POFUT1: variants seen among roughly 807,000 people sequenced by gnomAD.
POFUT1 encodes the protein GDP-fucose protein O-fucosyltransferase 1.
In POFUT1, 16 loss-of-function variants were observed where a neutral mutation model predicts 42.4. The observed-to-expected ratio is 0.38, with a 90% CI of 0.26 to 0.57. The LOEUF (loss-of-function observed/expected upper bound fraction) is 0.57. Ranked by LOEUF, POFUT1 falls within the 20% of genes least tolerant of loss-of-function variation. The pLI is 0.71. For missense variants in POFUT1, 470 were observed against 504.6 expected (o/e 0.93, Z 0.66); for synonymous variants, 206 against 205.4 (o/e 1.00, Z -0.03).
intron 4 of POFUT1, chr20:32,217,673 G>A (rs959298431): frequency 1.4e-5 from 14 of 985,460 alleles, no homozygotes; most frequent in East Asian, 2.3e-4. Flanking sequence ...TATCTGCCTC[G>A]TAGTGCATGA....
intron 3 of POFUT1, 85 bp from the exon 4 acceptor site, chr20:32,216,524 C>T: frequency 1.3e-6 from 1 of 795,748 alleles, no homozygotes; most frequent in East Asian, 2.4e-5. Context: ...CATCACCCAG[C>T]TTCCCCCACC....
chr20:32,231,160 G>A lies in POFUT1; in HGVS notation c.978+99G>A. On this transcript the variant is annotated intron_variant, in intron 6 of 6. Transcript: ENST00000375749. ...GCATGCTTCACGGGCTCCCCTACAA[G>A]CCTTTTGCCTGGACCTACCATTCCT... 2.9e-6 allele frequency: 4 copies of A among 1,364,646 alleles called. No homozygotes were observed. In the South Asian group the frequency reaches 5.0e-5, roughly 17 times the overall value. The allele number at this position is 1,364,646 out of a possible 1,614,324, so 84.5% of individuals were successfully genotyped here. A position where few individuals can be genotyped will look rare whatever the true frequency, so the allele number is the denominator to read the frequency against.
chr20:32,216,976 G>A (rs1362449691), intron 4 of POFUT1: 7 of 1,610,884 alleles, frequency 4.3e-6, no homozygotes, highest in Non-Finnish European at 5.1e-6. Context: ...AGAACATTCT[G>A]CAGTCGCATG....
Position 32,207,938 on chromosome 20 carries a change from C to T in POFUT1, c.-4C>T, listed in dbSNP as rs6087834. ...CCGCGGCTGGCTCGGGTTCCCGGGC[C>T]GACATGGGCGCCGCCGCGTGGGCAC... is the stretch of plus-strand genomic sequence containing the variant. On this transcript the variant is annotated 5_prime_UTR_variant, in exon 1 of 7. Transcript: ENST00000375749. 1.3e-6 allele frequency: 2 copies of T among 1,584,062 alleles called. No individual in the cohort carries two copies. Among genetic ancestry groups the T allele is most frequent in the Non-Finnish European group, 1.7e-6 (2 of 1,173,650 alleles).
At position 32,223,726 on chromosome 20, in the gene POFUT1, A is replaced by C. The variant is rs1156958932; in HGVS notation, c.543-4537A>C. 6.1e-6 allele frequency: 6 copies of C among 980,272 alleles called. No individual in the cohort carries two copies. In the East Asian group the frequency reaches 5.7e-4, roughly 93 times the overall value. 60.7% of individuals were successfully genotyped at this position (980,272 alleles called of 1,614,324 possible). On this transcript the variant is annotated intron_variant, in intron 4 of 6. Coordinates refer to ENST00000375749, the MANE Select transcript of POFUT1 (RefSeq NM_015352.2). ...CCCCAAATCTTTCTCATTTATTCTA[A>C]AAATATTTATCATGCCTACCATGTG...
At chr20:32,211,182 C>T (rs185156583) in intron 2 of POFUT1, among the ~76,000 whole-genome samples, 4 of 152,254 alleles carry the variant, frequency 2.6e-5, no homozygotes, top group East Asian at 1.9e-4. Context: ...TGTCATATGC[C>T]GCCTCCCTCT....
At position 32,230,942 on chromosome 20, in the gene POFUT1, C is replaced by G. The variant is rs369910269; in HGVS notation, c.859C>G (p.Leu287Val). The G allele has an allele frequency of 1.2e-6, 2 of 1,614,224 alleles. No homozygotes were observed. The highest frequency in any genetic ancestry group is 1.3e-5 in the African/African-American group (1 of 75,068). Residue 287 changes from leucine (L) to valine (V), a missense_variant, in exon 6 of 7, where the codon CTG becomes GTG. Leu to Val is a conservative substitution (Grantham distance 32). Transcript: ENST00000375749. ...CACGATGACTATGTGCCTGCCTGAC[C>G]TGAAGGAGATCCAGAGGGCTGTGAA... ...PLTMTMCLPD[L>V]KEIQRAVKLW...
At chr20:32,216,059 A>G (rs2047358439) in intron 3 of POFUT1, among the ~76,000 whole-genome samples, 1 of 152,214 alleles carries the variant, frequency 6.6e-6, no homozygotes, top group South Asian at 2.1e-4. Flanking sequence ...ATCTTATTAA[A>G]AGAAATTTAT....
At position 32,207,962 on chromosome 20, in the gene POFUT1, A is replaced by G. The variant is rs1048409950; in HGVS notation, c.21A>G (p.Ala7=). Residue 7 remains alanine, a synonymous_variant, in exon 1 of 7, where the codon GCA becomes GCG. Transcript: ENST00000375749. ...CCGACATGGGCGCCGCCGCGTGGGC[A>G]CGGCCGCTGAGCGTGTCTTTCCTGC... The part of the protein sequence containing the change: MGAAAW[A]RPLSVSFLLL... 1.6e-5 allele frequency: 26 copies of G among 1,590,224 alleles called. No homozygotes were observed. The highest frequency in any genetic ancestry group is 1.8e-4 in the Middle Eastern group (1 of 5,522).
rs567155201 is a variant in POFUT1, at chr20:32,226,567, G to A, written c.543-1696G>A. On this transcript the variant is annotated intron_variant, in intron 4 of 6. Coordinates refer to ENST00000375749, the MANE Select transcript of POFUT1 (RefSeq NM_015352.2). Reference sequence around the variant, plus strand: ...CAGTTCCATTATCACAAGGATCCTTGTGTTGCCAGTTTATAACCACACCCA... The same window carrying A: ...CAGTTCCATTATCACAAGGATCCTTATGTTGCCAGTTTATAACCACACCCA... Among the ~76,000 whole-genome samples, 4 of 152,144 alleles carry A rather than the reference G, an allele frequency of 2.6e-5. No individual in the cohort carries two copies. In the South Asian group the frequency reaches 8.3e-4, roughly 32 times the overall value.
At chr20:32,224,391 C>CA (rs1011025671) in intron 4 of POFUT1, among the ~76,000 whole-genome samples, 38 of 147,122 alleles carry the variant, frequency 2.6e-4, no homozygotes, top group Middle Eastern at 6.9e-3. Context: ...GACTCCATCT[C>CA]AAAAAAAAAA....
At chr20:32,217,283 GT>G in intron 4 of POFUT1, 1 of 1,366,614 alleles carries the variant, frequency 7.3e-7, no homozygotes, top group South Asian at 1.8e-5. Flanking sequence ...ACCAGCTCTG[GT>G]TTTCTAGGAG....
chr20:32,216,454 AGGAATT>A (rs2047360833), intron 3 of POFUT1, among the ~76,000 whole-genome samples, 149 bp from the exon 4 acceptor site: 1 of 152,192 alleles, frequency 6.6e-6, no homozygotes. Flanking sequence ...CCCCTGGCCT[AGGAATT>A]GCAGAGTGAC....
intron 4 of POFUT1, chr20:32,217,833 A>G: frequency 1.3e-6 from 1 of 764,722 alleles, no homozygotes. Flanking sequence ...AGCCCAGTGA[A>G]GTTAAATAAC....
intron 5 of POFUT1, 141 bp from the exon 6 acceptor site, chr20:32,230,676 CAG>C (rs1024844904): frequency 1.6e-5 from 14 of 892,464 alleles, no homozygotes; most frequent in Admixed American, 4.6e-5. Context: ...GCCTGGGTGA[CAG>C]AGTGAGACTC....
intron 4 of POFUT1, among the ~76,000 whole-genome samples, chr20:32,225,612 T>C (rs944694361): frequency 1.3e-5 from 2 of 152,118 alleles, no homozygotes; most frequent in Non-Finnish European, 2.9e-5. Flanking sequence ...TGTAGCCTCC[T>C]AGGTAGCTGA....
rs2047462009 is a variant in POFUT1, at chr20:32,234,879, C to T, written c.*218C>T. ...TCCTAGGAGCAGGAGCATCTCCCAT[C>T]GCACGTGCTTTCTGCTCTTCTGGGA... On this transcript the variant is annotated 3_prime_UTR_variant, in exon 7 of 7. Coordinates refer to ENST00000375749, the MANE Select transcript of POFUT1 (RefSeq NM_015352.2). 6.4e-6 allele frequency: 3 copies of T among 469,720 alleles called. No individual in the cohort carries two copies. The highest frequency in any genetic ancestry group is 1.1e-5 in the Non-Finnish European group (3 of 265,924). 29.1% of individuals were successfully genotyped at this position (469,720 alleles called of 1,614,324 possible).
intron 5 of POFUT1, among the ~76,000 whole-genome samples, chr20:32,229,355 A>G (rs2122598205): frequency 6.6e-6 from 1 of 152,364 alleles, no homozygotes; most frequent in African/African-American, 2.4e-5. Context: ...TTAGCACACA[A>G]CACAAAACAC....
rs543407005 is a variant in POFUT1 at position 32,215,221 on chromosome 20, A to G, written c.247-48A>G. 17 of 1,472,624 alleles carry G rather than the reference A, an allele frequency of 1.2e-5. No individual in the cohort carries two copies. The Admixed American group carries it at 1.2e-4, about 10-fold the overall frequency. The allele number at this position is 1,472,624 out of a possible 1,614,324, so 91.2% of individuals were successfully genotyped here. On this transcript the variant is annotated intron_variant, in intron 2 of 6. Transcript: ENST00000375749. ...TATTGTTTTAATAAATGTCTAAAGTAGCCACGGGGGCACTGAGACGGGACC... is the reference window on the plus strand; with the variant it reads ...TATTGTTTTAATAAATGTCTAAAGTGGCCACGGGGGCACTGAGACGGGACC...
Sources: allele counts gnomAD v4.1 joint callset (sites outside exome capture counted in the v4.1 genomes callset), GRCh38; gene constraint gnomAD v4.1.1; transcripts MANE v1.5; gene names NCBI Gene and HGNC (gene_info 2026-07-23, HGNC 2026-07-21).